Variants in MALRD1 observed in about 807,000 individuals in gnomAD.
MALRD1 encodes MAM and LDL-receptor class A domain-containing protein 1.
MALRD1 carries 247 observed loss-of-function variants against 242.1 expected under a neutral mutation model. That is an observed-to-expected ratio of 1.02 (90% CI 0.92 to 1.13). MALRD1 has a LOEUF of 1.13. Among genes scored for constraint, MALRD1 ranks in the 50% most tolerant of loss-of-function variants. The pLI, the probability that MALRD1 is intolerant of heterozygous loss-of-function variation, is 0.00. For synonymous variants in MALRD1, 995 were observed against 866.6 expected, an observed-to-expected ratio of 1.15 and a Z score of -2.60; for missense variants, 2,989 against 2,533.1, an observed-to-expected ratio of 1.18 and a Z score of -3.86.
chr10:19,632,875 A>AT (rs1389120864), intron 36 of MALRD1, among the ~76,000 whole-genome samples: 7 of 152,176 alleles, frequency 4.6e-5, no homozygotes, highest in African/African-American at 1.4e-4. Context: ...TATGAGTGTG[A>AT]TTTTTTAGAA....
At chr10:19,734,111 TTAATGCCTAAAA>T in intron 39 of MALRD1, 34 bp from the exon 40 acceptor site, 4 of 1,433,560 alleles carry the variant, frequency 2.8e-6, no homozygotes, top group Non-Finnish European at 3.8e-6. Context: ...TTTTCTTATC[TTAATGCCTAAAA>T]TTCCACCCTT....
At chr10:19,686,610 T>C (rs1842593016) in intron 36 of MALRD1, among the ~76,000 whole-genome samples, 1 of 152,090 alleles carries the variant, frequency 6.6e-6, no homozygotes, top group Non-Finnish European at 1.5e-5. Context: ...CAATTATTAT[T>C]TTAGAGAGGC....
intron 13 of MALRD1, among the ~76,000 whole-genome samples, chr10:19,172,638 G>A (rs2131533511): frequency 6.6e-6 from 1 of 151,080 alleles, no homozygotes; most frequent in Admixed American, 6.6e-5. Flanking sequence ...ACCTCTTTAG[G>A]AGCATAGAGA....
intron 36 of MALRD1, among the ~76,000 whole-genome samples, chr10:19,640,774 A>G (rs958644934): frequency 3.3e-5 from 5 of 152,180 alleles, no homozygotes; most frequent in African/African-American, 9.6e-5. Flanking sequence ...TTTCTACCCA[A>G]TCCAGAAATA....
At chr10:19,692,666 G>C (rs1833133595) in intron 38 of MALRD1, 112 bp downstream of exon 38, 1 of 751,760 alleles carries the variant, frequency 1.3e-6, no homozygotes, top group Non-Finnish European at 2.1e-6. Context: ...GGAAACTTTA[G>C]TGTTTTGCTG....
chr10:19,617,409 A>G (rs1839207871), intron 36 of MALRD1, among the ~76,000 whole-genome samples: 1 of 152,092 alleles, frequency 6.6e-6, no homozygotes, highest in Non-Finnish European at 1.5e-5. Flanking sequence ...ATACTTTACA[A>G]ATAGTGAAAT....
intron 20 of MALRD1, among the ~76,000 whole-genome samples, chr10:19,280,745 C>A (rs180697511): frequency 1.3e-5 from 2 of 152,314 alleles, no homozygotes; most frequent in African/African-American, 4.8e-5. Context: ...CCTGCCAATT[C>A]AATGGCTTTT....
intron 24 of MALRD1, among the ~76,000 whole-genome samples, chr10:19,338,450 T>G (rs969490328): frequency 4.1e-5 from 6 of 146,654 alleles, no homozygotes; most frequent in Non-Finnish European, 7.4e-5. Flanking sequence ...TTTCCTTTTT[T>G]CAATTAATAA....
chr10:19,473,972 T>C (rs1011709664), intron 29 of MALRD1, among the ~76,000 whole-genome samples: 14 of 152,180 alleles, frequency 9.2e-5, no homozygotes, highest in Admixed American at 1.3e-4. Context: ...CTCCACATCT[T>C]CACCAACACA....
At chr10:19,306,365 C>G (rs1488333843) in intron 21 of MALRD1, among the ~76,000 whole-genome samples, 5 of 133,048 alleles carry the variant, frequency 3.8e-5, no homozygotes, top group African/African-American at 1.4e-4. Flanking sequence ...TATATAGTGT[C>G]GTATATATAC....
intron 28 of MALRD1, among the ~76,000 whole-genome samples, chr10:19,414,993 T>C (rs1833455416): frequency 6.6e-6 from 1 of 152,200 alleles, no homozygotes. Flanking sequence ...CATAACACTT[T>C]TTTTCTGTAG....
At chr10:19,223,998 G>T (rs1198501789) in intron 18 of MALRD1, among the ~76,000 whole-genome samples, 1 of 152,276 alleles carries the variant, frequency 6.6e-6, no homozygotes, top group South Asian at 2.1e-4. Context: ...GAATAGTGCT[G>T]CAGTAAACAT....
In MALRD1 at chr10:19,692,886, T is replaced by TATAA. The variant is rs373717863; in HGVS notation, c.6314+333_6314+334insTAAA. ...ATGAAATTATATATATATATATATA[T>TATAA]AATTTCATCCCTGGAATGCAAGGCT... On this transcript the variant is annotated intron_variant, in intron 38 of 39. Transcript: ENST00000454679. 1.4e-3 allele frequency among the ~76,000 whole-genome samples: 198 copies of TATAA among 136,842 alleles called. 4 individuals are homozygous for TATAA. Among genetic ancestry groups the TATAA allele is most frequent in the African/African-American group, 5.6e-3 (192 of 34,522 alleles). 89.8% of individuals were successfully genotyped at this position (136,842 alleles called of 152,430 possible).
chr10:19,719,921 C>T (rs1018760899), intron 38 of MALRD1, among the ~76,000 whole-genome samples: 3 of 151,564 alleles, frequency 2.0e-5, no homozygotes, highest in African/African-American at 7.3e-5. Flanking sequence ...ATTTCTCTCT[C>T]TCTCTCTTTT....
intron 29 of MALRD1, chr10:19,491,084 A>G (rs1489194647): frequency 1.8e-5 from 5 of 282,362 alleles, no homozygotes; most frequent in Admixed American, 4.4e-5. Context: ...ACAGGAACAT[A>G]TCATTAAAAT....
chr10:19,375,229 T>C (rs1025067002), intron 26 of MALRD1, among the ~76,000 whole-genome samples: 2 of 152,180 alleles, frequency 1.3e-5, no homozygotes, highest in African/African-American at 4.8e-5. Flanking sequence ...CCAAAGTAGG[T>C]ACAATAGGTA....
intron 19 of MALRD1, among the ~76,000 whole-genome samples, chr10:19,272,234 A>G (rs992375354): frequency 6.6e-6 from 1 of 152,116 alleles, no homozygotes; most frequent in Non-Finnish European, 1.5e-5. Context: ...GGCATTAATC[A>G]TAGAAGTAGT....
In MALRD1 at chr10:19,311,714, A is replaced by G. The variant is rs955684955; in HGVS notation, c.3420-12235A>G. Among the ~76,000 whole-genome samples the G allele has an allele frequency of 2.6e-5, 4 of 151,468 alleles. No individual in the cohort carries two copies. The East Asian group carries it at 7.8e-4, about 29-fold the overall frequency. ...TGATATAATTTTATGAAGTGGGAAA[A>G]TATGCTCTTAAATTATCCTGAATTT... On this transcript the variant is annotated intron_variant, in intron 21 of 39. Transcript: ENST00000454679.
At chr10:19,315,726 TATA>T (rs199822946) in intron 21 of MALRD1, among the ~76,000 whole-genome samples, 2,162 of 137,908 alleles carry the variant, frequency 0.016, 59 homozygotes, top group African/African-American at 0.055. Flanking sequence ...TATTGCATAT[TATA>T]ATGTTATATA....
Sources: gnomAD v4.1 joint callset for allele counts (sites outside exome capture counted in the v4.1 genomes callset) on GRCh38, gnomAD v4.1.1 for gene constraint, MANE v1.5 for transcripts, NCBI Gene and HGNC (gene_info 2026-07-23, HGNC 2026-07-21) for gene names.